Variants in KANSL1 observed in about 807,000 individuals in gnomAD.
KANSL1 encodes the protein MLL1/MLL complex subunit KANSL1.
A neutral mutation model predicts 103.6 loss-of-function variants in KANSL1; 22 were observed. That is an observed-to-expected ratio of 0.21 (90% CI 0.15 to 0.30). KANSL1 has a LOEUF of 0.30. KANSL1 is among the 10% of genes least tolerant of loss of function. The pLI is 1.00. For missense variants in KANSL1, 1,337 were observed against 1,399.8 expected, an observed-to-expected ratio of 0.96 and a Z score of 0.72; for synonymous variants, 600 against 527.6, an observed-to-expected ratio of 1.14 and a Z score of -1.88.
intron 3 of KANSL1, among the ~76,000 whole-genome samples, chr17:46,083,400 T>C (rs2079050354): frequency 6.6e-6 from 1 of 152,102 alleles, no homozygotes; most frequent in Non-Finnish European, 1.5e-5. Context: ...TCTAACTAGA[T>C]TAAGAAGCTC....
At chr17:46,160,404 TCCTCCTACCTCAG>T (rs1191470942) in intron 2 of KANSL1, among the ~76,000 whole-genome samples, 2 of 152,130 alleles carry the variant, frequency 1.3e-5, no homozygotes, top group African/African-American at 4.8e-5. Context: ...CTCAAAGCAA[TCCTCCTACCTCAG>T]CCTCCCGTGT....
At chr17:46,134,384 C>A (rs894094102) in intron 2 of KANSL1, among the ~76,000 whole-genome samples, 2 of 150,906 alleles carry the variant, frequency 1.3e-5, no homozygotes, top group East Asian at 4.0e-4. Flanking sequence ...GCAACAAGAA[C>A]AAAACTCCAT....
At chr17:46,168,181 C>T (rs143135867) in intron 2 of KANSL1, among the ~76,000 whole-genome samples, 112 of 152,332 alleles carry the variant, frequency 7.4e-4, no homozygotes, top group African/African-American at 2.5e-3. Context: ...TAAATTAAAG[C>T]AATGCCTCCA....
intron 2 of KANSL1, among the ~76,000 whole-genome samples, chr17:46,097,076 C>A (rs370929064): frequency 5.9e-5 from 9 of 152,296 alleles, no homozygotes; most frequent in African/African-American, 2.2e-4. Context: ...CATTCCTCTG[C>A]ATAAGGAAAC....
chr17:46,096,538 T>C (rs1368057088), intron 2 of KANSL1, among the ~76,000 whole-genome samples: 1 of 151,908 alleles, frequency 6.6e-6, no homozygotes, highest in Non-Finnish European at 1.5e-5. Context: ...CAGGCTGGTC[T>C]CAAACTCCCA....
chr17:46,120,622 A>C (rs1356052144), intron 2 of KANSL1, among the ~76,000 whole-genome samples: 1 of 152,196 alleles, frequency 6.6e-6, no homozygotes, highest in Non-Finnish European at 1.5e-5. Flanking sequence ...TAATTTTTTA[A>C]ATTAATAGAC....
intron 2 of KANSL1, among the ~76,000 whole-genome samples, chr17:46,145,181 T>A (rs2044634607): frequency 6.6e-6 from 1 of 152,262 alleles, no homozygotes; most frequent in Non-Finnish European, 1.5e-5. Context: ...GAGACTAGTT[T>A]TGCATGAAAG....
intron 2 of KANSL1, among the ~76,000 whole-genome samples, chr17:46,120,985 T>C (rs753285095): frequency 1.4e-4 from 21 of 152,276 alleles, no homozygotes; most frequent in Non-Finnish European, 2.8e-4. Context: ...TAAAGAGCAA[T>C]ACCTTCCATC....
At chr17:46,154,883 C>G (rs2045330921) in intron 2 of KANSL1, among the ~76,000 whole-genome samples, 1 of 152,104 alleles carries the variant, frequency 6.6e-6, no homozygotes, top group Non-Finnish European at 1.5e-5. Flanking sequence ...TGGGGTCTTG[C>G]TATGTTGACC....
intron 4 of KANSL1, among the ~76,000 whole-genome samples, chr17:46,073,435 T>TA (rs1183041101): frequency 6.6e-6 from 1 of 152,166 alleles, no homozygotes; most frequent in Admixed American, 6.5e-5. Flanking sequence ...TCTAGTATTT[T>TA]AAAAAATATT....
At chr17:46,140,223 T>C (rs1458834481) in intron 2 of KANSL1, among the ~76,000 whole-genome samples, 4 of 152,138 alleles carry the variant, frequency 2.6e-5, no homozygotes, top group African/African-American at 7.2e-5. Context: ...ATGTAATCTA[T>C]ACAACCGGAA....
rs538908852 is a variant in KANSL1, at chr17:46,199,299, C to T, written c.-90+24372G>A. Reference sequence around the variant, plus strand: ...TCAATTGGTGAACTGGATGTGCAAACATGCTAAAGGCATTAAACCTAAACC... The same window carrying T: ...TCAATTGGTGAACTGGATGTGCAAATATGCTAAAGGCATTAAACCTAAACC... On this transcript the variant is annotated intron_variant, in intron 1 of 14. Coordinates refer to the KANSL1 transcript ENST00000572904. 7.2e-5 allele frequency among the ~76,000 whole-genome samples: 11 copies of T among 152,352 alleles called. No individual in the cohort carries two copies. The East Asian group carries it at 1.9e-3, about 27-fold the overall frequency.
In KANSL1 at chr17:46,094,200, G is replaced by A. The variant is rs2023862; in HGVS notation, c.1431+360C>T. The A allele has an allele frequency of 0.04, 8,995 of 226,994 alleles. 1,041 individuals carry two copies. The East Asian group carries it at 0.43, about 11-fold the overall frequency. 14.1% of individuals were successfully genotyped at this position (226,994 alleles called of 1,614,324 possible). A position where few individuals can be genotyped will look rare whatever the true frequency, so the allele number is the denominator to read the frequency against. On this transcript the variant is annotated intron_variant, in intron 3 of 14. Transcript: ENST00000432791. ...CAACCTCCACTTCGTGGGCTCAAGC[G>A]ATACTCCCACTTCAGCCTCCTAAGT... is the stretch of plus-strand genomic sequence containing the variant.
intron 2 of KANSL1, among the ~76,000 whole-genome samples, chr17:46,097,263 C>CA (rs1157121365): frequency 3.3e-5 from 5 of 151,978 alleles, no homozygotes; most frequent in Non-Finnish European, 7.4e-5. Flanking sequence ...GAAACAACTA[C>CA]AAAAAAACTA....
chr17:46,173,572 G>A (rs1054393677), intron 1 of KANSL1, among the ~76,000 whole-genome samples: 3 of 152,168 alleles, frequency 2.0e-5, no homozygotes, highest in East Asian at 1.9e-4. Flanking sequence ...TTGGAGGTTC[G>A]TGAAATCAAA....
At chr17:46,144,339 T>C (rs550435017) in intron 2 of KANSL1, among the ~76,000 whole-genome samples, 2 of 152,338 alleles carry the variant, frequency 1.3e-5, no homozygotes, top group African/African-American at 4.8e-5. Context: ...GATTTCCTCC[T>C]CAGTACAAGA....
At chr17:46,068,423 C>T (rs148587860) in intron 4 of KANSL1, among the ~76,000 whole-genome samples, 47 of 151,956 alleles carry the variant, frequency 3.1e-4, no homozygotes, top group African/African-American at 8.2e-4. Context: ...CAAAATTAGC[C>T]GGGCATGGTG....
At chr17:46,121,269 A>G (rs1325545668) in intron 2 of KANSL1, 1 of 152,134 alleles carries the variant, frequency 6.6e-6, no homozygotes, top group African/African-American at 2.4e-5. Flanking sequence ...TTAGAGCAAG[A>G]GCTACAATCC....
At chr17:46,054,091 C>T (rs1443554593) in intron 6 of KANSL1, among the ~76,000 whole-genome samples, 2 of 152,058 alleles carry the variant, frequency 1.3e-5, no homozygotes, top group Non-Finnish European at 2.9e-5. Context: ...GCACTCCAGG[C>T]CTGGGAGACA....
Sources: gnomAD v4.1 joint callset for allele counts (sites outside exome capture counted in the v4.1 genomes callset) on GRCh38, gnomAD v4.1.1 for gene constraint, MANE v1.5 for transcripts, NCBI Gene and HGNC (gene_info 2026-07-23, HGNC 2026-07-21) for gene names.